The following SAMD4A variants were observed in gnomAD, a reference collection of about 807,000 sequenced individuals.
SAMD4A encodes protein Smaug homolog 1.
Under a neutral mutation model 81.3 loss-of-function variants are expected in SAMD4A, and 33 were observed. That is an observed-to-expected ratio of 0.41 (90% CI 0.31 to 0.54). The LOEUF (loss-of-function observed/expected upper bound fraction) is 0.54, where lower values mean the gene tolerates loss of function less well. SAMD4A is among the 20% of genes least tolerant of loss of function. The probability of loss-of-function intolerance (pLI) is 0.37; values close to 1 mark genes in which losing one functional copy is unlikely to be tolerated. For synonymous variants in SAMD4A, 389 were observed against 382.1 expected (o/e 1.02, Z -0.21); for missense variants, 854 against 951.1 (o/e 0.90, Z 1.34).
intron 2 of SAMD4A, among the ~76,000 whole-genome samples, chr14:54,612,691 T>C (rs1242430587): frequency 6.6e-6 from 1 of 152,214 alleles, no homozygotes; most frequent in Non-Finnish European, 1.5e-5. Context: ...AAATGACCCA[T>C]TCAAAGCAGT....
At chr14:54,768,337 A>G (rs1423219720) in intron 8 of SAMD4A, among the ~76,000 whole-genome samples, 1 of 152,212 alleles carries the variant, frequency 6.6e-6, no homozygotes, top group African/African-American at 2.4e-5. Context: ...GGCACGTTCC[A>G]GGTATTCTAA....
At chr14:54,762,500 G>A (rs538639164) in intron 7 of SAMD4A, among the ~76,000 whole-genome samples, 5 of 152,104 alleles carry the variant, frequency 3.3e-5, no homozygotes, top group Admixed American at 1.3e-4. Flanking sequence ...GTGGGCCCTC[G>A]CTCTCCCCCA....
intron 7 of SAMD4A, among the ~76,000 whole-genome samples, chr14:54,762,505 C>A (rs958472894): frequency 1.3e-5 from 2 of 152,124 alleles, no homozygotes; most frequent in African/African-American, 4.8e-5. Flanking sequence ...CCCTCGCTCT[C>A]CCCCACCCAC....
chr14:54,638,274 G>T (rs2035084610), intron 2 of SAMD4A, among the ~76,000 whole-genome samples: 2 of 152,292 alleles, frequency 1.3e-5, no homozygotes, highest in South Asian at 4.1e-4. Flanking sequence ...GGAGCAGCTG[G>T]TCTTAGCAGC....
intron 2 of SAMD4A, among the ~76,000 whole-genome samples, chr14:54,669,555 C>T (rs943193726): frequency 2.7e-5 from 4 of 148,556 alleles, no homozygotes; most frequent in Non-Finnish European, 3.0e-5. Context: ...AACTCCTAGG[C>T]TCAAGCAGTC....
chr14:54,699,782 C>G (rs948758504), intron 2 of SAMD4A, among the ~76,000 whole-genome samples: 1 of 152,188 alleles, frequency 6.6e-6, no homozygotes, highest in Non-Finnish European at 1.5e-5. Context: ...TCGTCTCACT[C>G]TGTTACTGAA....
chr14:54,740,462 G>A (rs138506771), intron 4 of SAMD4A, among the ~76,000 whole-genome samples: 26 of 152,316 alleles, frequency 1.7e-4, no homozygotes, highest in South Asian at 1.2e-3. Context: ...TGCTCTCATC[G>A]TGCACCTTGG....
At chr14:54,617,490 G>C (rs1404351462) in intron 2 of SAMD4A, among the ~76,000 whole-genome samples, 1 of 151,722 alleles carries the variant, frequency 6.6e-6, no homozygotes, top group Non-Finnish European at 1.5e-5. Context: ...TCAGAGAAAA[G>C]TGGGGGAGCA....
intron 3 of SAMD4A, among the ~76,000 whole-genome samples, chr14:54,708,505 A>T (rs2036912248): frequency 6.6e-6 from 1 of 152,218 alleles, no homozygotes; most frequent in South Asian, 2.1e-4. Context: ...TAATGCTAGG[A>T]CTAAATGAAA....
At chr14:54,584,531 G>A (rs1197476970) in intron 2 of SAMD4A, among the ~76,000 whole-genome samples, 1 of 152,130 alleles carries the variant, frequency 6.6e-6, no homozygotes, top group Non-Finnish European at 1.5e-5. Flanking sequence ...TTAACCATCA[G>A]TACAGTGCTT....
chr14:54,587,212 G>T (rs1187592), intron 2 of SAMD4A, among the ~76,000 whole-genome samples: 2 of 152,016 alleles, frequency 1.3e-5, no homozygotes, highest in African/African-American at 2.4e-5. Flanking sequence ...TTGAGTTCTC[G>T]ATTTGATTCT....
chr14:54,716,172 G>A (rs1295553935), intron 3 of SAMD4A, among the ~76,000 whole-genome samples: 3 of 152,146 alleles, frequency 2.0e-5, no homozygotes, highest in Admixed American at 6.5e-5. Context: ...TTTCACAGTG[G>A]AAGCAGGGAC....
chr14:54,636,482 T>TA (rs1421848349), intron 2 of SAMD4A, among the ~76,000 whole-genome samples: 1 of 152,172 alleles, frequency 6.6e-6, no homozygotes, highest in African/African-American at 2.4e-5. Flanking sequence ...TGCTCTGACT[T>TA]ATACTTTAAA....
chr14:54,566,657 G>T (rs1462357836), upstream of SAMD4A, among the ~76,000 whole-genome samples: 1 of 151,658 alleles, frequency 6.6e-6, no homozygotes, highest in African/African-American at 2.4e-5. Flanking sequence ...TGTGCCCAGC[G>T]CTGTGCCGCC....
Position 54,760,258 on chromosome 14 carries a change from C to A in SAMD4A, c.1274C>A (p.Pro425His), listed in dbSNP as rs201346337. Reference sequence around the variant, plus strand: ...GCCTACAGCTCCCCGAGCACCACCCCCGAGGCTCGCCGCCGGGAGCCCCAG... The same window carrying A: ...GCCTACAGCTCCCCGAGCACCACCCACGAGGCTCGCCGCCGGGAGCCCCAG... ...IKAYSSPSTTPEARRREPQAP... is the reference protein window; with the variant it reads ...IKAYSSPSTTHEARRREPQAP... Residue 425 changes from proline to histidine, a missense_variant, in exon 7 of 13, where the codon CCC becomes CAC. By Grantham distance (77) the Pro-to-His change is moderately conservative. Around this residue, in one of 3 missense-constraint regions of SAMD4A, gnomAD observed 428 missense variants for 471.2 expected, o/e 0.91. Coordinates refer to ENST00000554335, the MANE Select transcript of SAMD4A (RefSeq NM_015589.6). The A allele has an allele frequency of 4.3e-6, 7 of 1,612,952 alleles. No individual in the cohort carries two copies. In the African/African-American group the frequency reaches 8.0e-5, roughly 18 times the overall value.
At chr14:54,646,214 T>C (rs534791447) in intron 2 of SAMD4A, among the ~76,000 whole-genome samples, 1 of 152,280 alleles carries the variant, frequency 6.6e-6, no homozygotes, top group Non-Finnish European at 1.5e-5. Context: ...TATCAGAGAA[T>C]TGAGTTATAG....
At chr14:54,717,207 G>A (rs551368035) in intron 3 of SAMD4A, among the ~76,000 whole-genome samples, 7 of 152,114 alleles carry the variant, frequency 4.6e-5, no homozygotes, top group Non-Finnish European at 7.4e-5. Flanking sequence ...TTGGGAGGCC[G>A]AGCGGGGAGG....
At chr14:54,648,468 A>C (rs937590605) in intron 2 of SAMD4A, among the ~76,000 whole-genome samples, 13 of 152,250 alleles carry the variant, frequency 8.5e-5, no homozygotes, top group Non-Finnish European at 1.5e-4. Context: ...AGGAATATCT[A>C]GCTTGAGACA....
intron 4 of SAMD4A, among the ~76,000 whole-genome samples, chr14:54,745,916 C>T (rs1422081373): frequency 3.9e-5 from 6 of 152,244 alleles, no homozygotes; most frequent in African/African-American, 1.4e-4. Flanking sequence ...CACAGCTTCA[C>T]AGAATGTAAA....
Sources: allele counts gnomAD v4.1 joint callset (sites outside exome capture counted in the v4.1 genomes callset), GRCh38; gene constraint gnomAD v4.1.1; regional missense constraint gnomAD v4.1.1; transcripts MANE v1.5; gene names NCBI Gene and HGNC (gene_info 2026-07-23, HGNC 2026-07-21).